TPD52L1: variants seen among roughly 807,000 people sequenced by gnomAD.
The protein encoded by TPD52L1 is TPD52 like 1.
TPD52L1 carries 18 observed loss-of-function variants against 28.7 expected under a neutral mutation model. The ratio of observed to expected loss-of-function variants is 0.63; its 90% confidence interval spans 0.43 to 0.93. The LOEUF (loss-of-function observed/expected upper bound fraction) is 0.93. TPD52L1 is among the 40% of genes least tolerant of loss of function. TPD52L1 has a pLI of 0.00. For synonymous variants in TPD52L1, 75 were observed against 88.8 expected (o/e 0.84, Z 0.88); for missense variants, 203 against 254.8 (o/e 0.80, Z 1.39).
chr6:125,189,735 T>C (rs1448516739), intron 1 of TPD52L1, among the ~76,000 whole-genome samples: 2 of 152,196 alleles, frequency 1.3e-5, no homozygotes, highest in Non-Finnish European at 2.9e-5. Context: ...CTATTCTCAT[T>C]GTTATTTCCT....
chr6:125,161,678 C>T (rs978558025), intron 1 of TPD52L1, among the ~76,000 whole-genome samples: 2 of 152,176 alleles, frequency 1.3e-5, no homozygotes, highest in South Asian at 4.1e-4. Context: ...GCAGTCAGAA[C>T]ACACACAGGA....
At chr6:125,177,296 C>T (rs1229292947) in intron 1 of TPD52L1, among the ~76,000 whole-genome samples, 5 of 152,214 alleles carry the variant, frequency 3.3e-5, no homozygotes, top group Admixed American at 1.3e-4. Context: ...CTGTTACCCT[C>T]ATTTCAGCTT....
At chr6:125,163,857 C>T (rs1790691904) in intron 1 of TPD52L1, among the ~76,000 whole-genome samples, 2 of 145,338 alleles carry the variant, frequency 1.4e-5, no homozygotes, top group Non-Finnish European at 3.0e-5. Flanking sequence ...GCAGAAGTTG[C>T]AGTGAGCCGA....
At chr6:125,159,068 G>A (rs144447451) in intron 1 of TPD52L1, among the ~76,000 whole-genome samples, 41 of 152,340 alleles carry the variant, frequency 2.7e-4, no homozygotes, top group East Asian at 9.6e-4. Flanking sequence ...GGTGGTTGCC[G>A]AAGGCTGAGG....
chr6:125,209,990 A>T (rs1307990501), intron 1 of TPD52L1, among the ~76,000 whole-genome samples: 1 of 152,190 alleles, frequency 6.6e-6, no homozygotes, highest in Non-Finnish European at 1.5e-5. Context: ...TTTTGCCTGA[A>T]TTCTATGATA....
chr6:125,178,956 G>T lies in TPD52L1; in HGVS notation c.19+24986G>T, dbSNP rs2114812908. Among the ~76,000 whole-genome samples the T allele has an allele frequency of 2.0e-5, 3 of 152,276 alleles. No individual in the cohort carries two copies. In the South Asian group the frequency reaches 6.2e-4, roughly 32 times the overall value. On this transcript the variant is annotated intron_variant, in intron 1 of 6. Transcript: ENST00000534000. ...TATTATTGTTTGTCCACAACTCCCT[G>T]ACTTCCAAAGGGAAACTTGTAGCCC...
intron 4 of TPD52L1, chr6:125,253,462 C>G: frequency 2.0e-6 from 1 of 492,220 alleles, no homozygotes; most frequent in Non-Finnish European, 3.6e-6. Flanking sequence ...CTCAGATTTC[C>G]TGGCAAAAGG....
At chr6:125,250,592 A>G (rs1332847811) in intron 4 of TPD52L1, among the ~76,000 whole-genome samples, 1 of 152,232 alleles carries the variant, frequency 6.6e-6, no homozygotes, top group African/African-American at 2.4e-5. Flanking sequence ...AGAGTACATT[A>G]ACAGGAGCCC....
chr6:125,235,133 A>ATAATAATAATAATAC (rs71024715), intron 3 of TPD52L1, among the ~76,000 whole-genome samples: 2 of 150,248 alleles, frequency 1.3e-5, no homozygotes, highest in African/African-American at 4.9e-5. Context: ...AATAATAATA[A>ATAATAATAATAATAC]AACACCAACT....
chr6:125,239,429 T>A (rs916705961), intron 3 of TPD52L1, among the ~76,000 whole-genome samples: 10 of 152,138 alleles, frequency 6.6e-5, no homozygotes, highest in African/African-American at 2.2e-4. Context: ...GGAAGGCACA[T>A]CTTACATGGC....
At chr6:125,156,463 C>CAAAAAAAAAAAAAAAA (rs758623258) in intron 1 of TPD52L1, among the ~76,000 whole-genome samples, 583 of 36,952 alleles carry the variant, frequency 0.016, 9 homozygotes, top group East Asian at 0.071. Flanking sequence ...GACCTTGTCT[C>CAAAAAAAAAAAAAAAA]AAAAAAAAAA....
intron 4 of TPD52L1, among the ~76,000 whole-genome samples, chr6:125,251,535 C>A (rs977224467): frequency 6.6e-6 from 1 of 152,106 alleles, no homozygotes; most frequent in African/African-American, 2.4e-5. Context: ...AAGTAAGATT[C>A]TCATTTTAAC....
At chr6:125,209,799 AT>A (rs1794381189) in intron 1 of TPD52L1, among the ~76,000 whole-genome samples, 1 of 152,228 alleles carries the variant, frequency 6.6e-6, no homozygotes, top group African/African-American at 2.4e-5. Context: ...CTCCTAGACC[AT>A]TTATTGCAGA....
At chr6:125,258,862 A>T (rs750088198) in intron 6 of TPD52L1, among the ~76,000 whole-genome samples, 2 of 152,100 alleles carry the variant, frequency 1.3e-5, no homozygotes, top group Non-Finnish European at 2.9e-5. Context: ...AACAAGACTC[A>T]CATGCCACAT....
chr6:125,241,453 C>CT (rs961687893), intron 3 of TPD52L1, among the ~76,000 whole-genome samples: 1 of 151,744 alleles, frequency 6.6e-6, no homozygotes, highest in African/African-American at 2.4e-5. Context: ...TGGCCCTGGA[C>CT]TTTTTTTTAT....
chr6:125,209,107 C>T (rs1181379272), intron 1 of TPD52L1, among the ~76,000 whole-genome samples: 1 of 152,248 alleles, frequency 6.6e-6, no homozygotes, highest in Non-Finnish European at 1.5e-5. Context: ...TCCTTGACTT[C>T]AGGCTTAATC....
intron 2 of TPD52L1, among the ~76,000 whole-genome samples, chr6:125,223,683 T>C (rs1795403695): frequency 8.4e-6 from 1 of 119,540 alleles, no homozygotes; most frequent in African/African-American, 3.3e-5. Flanking sequence ...CACTCCAGCC[T>C]AGGCAACAGA....
chr6:125,262,879 G>A lies in TPD52L1; in HGVS notation c.532G>A (p.Val178Ile). ...CCCTAATGGAGGCAGTTTTGAGGAG[G>A]TCCTCAGCTCCACGGCCCATGCCAG... is the stretch of plus-strand genomic sequence containing the variant. ...TNPNGGSFEE[V>I]LSSTAHASAQ... Residue 178 changes from valine to isoleucine, a missense_variant, in exon 7 of 7, where the codon GTC (valine) becomes ATC (isoleucine). By Grantham distance (29) the Val-to-Ile change is conservative. Coordinates refer to ENST00000534000, the MANE Select transcript of TPD52L1 (RefSeq NM_003287.4). 6.2e-7 allele frequency: 1 copy of A among 1,614,240 alleles called. No individual in the cohort carries two copies. Among genetic ancestry groups the A allele is most frequent in the South Asian group, 1.1e-5 (1 of 91,078 alleles).
chr6:125,236,219 A>G (rs1435010552), intron 3 of TPD52L1, among the ~76,000 whole-genome samples: 2 of 152,194 alleles, frequency 1.3e-5, no homozygotes, highest in Non-Finnish European at 2.9e-5. Context: ...AAGGAGTCCT[A>G]AAATCTTTAA....
Sources: gnomAD v4.1 joint callset for allele counts (sites outside exome capture counted in the v4.1 genomes callset) on GRCh38, gnomAD v4.1.1 for gene constraint, MANE v1.5 for transcripts, NCBI Gene and HGNC (gene_info 2026-07-23, HGNC 2026-07-21) for gene names.